RICTOR: variants seen among roughly 807,000 people sequenced by gnomAD.
RICTOR encodes rapamycin-insensitive companion of mTOR.
In RICTOR, 49 loss-of-function variants were observed where a neutral mutation model predicts 214.9. The ratio of observed to expected loss-of-function variants is 0.23; its 90% CI spans 0.18 to 0.29. The LOEUF (loss-of-function observed/expected upper bound fraction) is 0.29, where lower values mean the gene tolerates loss of function less well. Among genes scored for constraint, RICTOR ranks in the 10% least tolerant of loss-of-function variants. The pLI is 1.00. For synonymous variants in RICTOR, 717 were observed against 711.3 expected (o/e 1.01, Z -0.13); for missense variants, 1,625 against 2,047.0 (o/e 0.79, Z 3.98).
At chr5:38,994,238 A>G (rs1752997378) in intron 6 of RICTOR, among the ~76,000 whole-genome samples, 1 of 151,602 alleles carries the variant, frequency 6.6e-6, no homozygotes, top group African/African-American at 2.4e-5. Context: ...ATATGTGTAC[A>G]AGGTGTATAT....
chr5:38,968,902 C>G (rs1368497558), intron 11 of RICTOR, among the ~76,000 whole-genome samples: 2 of 150,484 alleles, frequency 1.3e-5, no homozygotes, highest in Non-Finnish European at 2.9e-5. Context: ...AGGTGGAAGA[C>G]AGTGATACTG....
intron 2 of RICTOR, among the ~76,000 whole-genome samples, chr5:39,062,125 A>G (rs1304954297): frequency 2.0e-5 from 3 of 152,116 alleles, no homozygotes; most frequent in Non-Finnish European, 4.4e-5. Context: ...TGAAAGTTAT[A>G]GCCTACAGTA....
chr5:38,983,807 A>G (rs1751925615), intron 7 of RICTOR, among the ~76,000 whole-genome samples: 1 of 151,142 alleles, frequency 6.6e-6, no homozygotes, highest in Admixed American at 6.6e-5. Context: ...CTGAAAATAC[A>G]AAAAAAAATT....
At position 38,947,453 on chromosome 5, in the gene RICTOR, TAAAG is replaced by T; in HGVS notation, c.4137-16_4137-13del. 8.9e-6 allele frequency: 14 copies of T among 1,576,322 alleles called. No individual in the cohort carries two copies. Among genetic ancestry groups the T allele is most frequent in the Non-Finnish European group, 1.2e-5 (14 of 1,150,380 alleles). The stretch of plus-strand genomic sequence containing the variant: ...AGGCTTTCATGAACCTATAAAACCA[TAAAG>T]AAACCACTTGCATTAGTTTCTTGAT... On this transcript the variant is annotated splice_polypyrimidine_tract_variant and intron_variant, in intron 31 of 37. Coordinates refer to ENST00000357387, the MANE Select transcript of RICTOR (RefSeq NM_152756.5).
intron 2 of RICTOR, among the ~76,000 whole-genome samples, chr5:39,049,528 A>C (rs766556251): frequency 6.6e-6 from 1 of 152,098 alleles, no homozygotes. Context: ...TGTGCCAATA[A>C]AATGTTATTT....
intron 2 of RICTOR, among the ~76,000 whole-genome samples, chr5:39,066,058 C>A (rs2150213986): frequency 6.6e-6 from 1 of 152,380 alleles, no homozygotes; most frequent in Middle Eastern, 3.4e-3. Context: ...CCCTTGGCCC[C>A]ACCCTAATAG....
chr5:38,980,420 C>T (rs919918877), intron 8 of RICTOR, among the ~76,000 whole-genome samples: 8 of 152,136 alleles, frequency 5.3e-5, no homozygotes, highest in South Asian at 2.1e-4. Context: ...CTTATTCTAA[C>T]GTCCAACTAA....
chr5:39,073,718 C>T (rs1580249197), intron 2 of RICTOR, among the ~76,000 whole-genome samples: 1 of 152,176 alleles, frequency 6.6e-6, no homozygotes, highest in Non-Finnish European at 1.5e-5. Context: ...TTCCCTCAAA[C>T]ATCCTCCTGC....
intron 11 of RICTOR, among the ~76,000 whole-genome samples, chr5:38,969,273 GTGTTTT>G (rs1468041629): frequency 2.0e-5 from 3 of 151,756 alleles, no homozygotes; most frequent in Non-Finnish European, 4.4e-5. Context: ...CACCTGGCCT[GTGTTTT>G]TGTTTTTAAC....
intron 5 of RICTOR, among the ~76,000 whole-genome samples, 153 bp downstream of exon 5, chr5:39,002,381 GT>G (rs1446249716): frequency 1.6e-5 from 2 of 122,590 alleles, no homozygotes; most frequent in African/African-American, 5.8e-5. Context: ...TTGTTACTTG[GT>G]TGTGTGTGTG....
chr5:38,949,989 G>A lies in RICTOR; in HGVS notation c.3859C>T (p.Leu1287=). 1 of 1,613,490 alleles carries A rather than the reference G, an allele frequency of 6.2e-7. No homozygotes were observed. Among genetic ancestry groups the A allele is most frequent in the Non-Finnish European group, 8.5e-7 (1 of 1,179,626 alleles). ...LSLSKSNSVS[L]VPPGSSHTLP... Reference sequence around the variant, plus strand: ...GTATGAGAAGAACCTGGAGGCACCAGGGACACCGAATTTGATTTGGAGAGA... The same window carrying A: ...GTATGAGAAGAACCTGGAGGCACCAAGGACACCGAATTTGATTTGGAGAGA... The change falls in exon 31 of 38, where the codon CTG becomes TTG. Residue 1287 remains leucine (L), a synonymous_variant. Transcript: ENST00000357387.
intron 2 of RICTOR, chr5:39,022,467 A>C (rs1447296063): frequency 1.3e-5 from 2 of 156,470 alleles, no homozygotes; most frequent in Non-Finnish European, 2.9e-5. Flanking sequence ...TTACTGCTCT[A>C]TCCTGTGCAA....
intron 6 of RICTOR, 95 bp from the exon 7 acceptor site, chr5:38,991,170 T>G: frequency 1.5e-6 from 1 of 682,004 alleles, no homozygotes; most frequent in Non-Finnish European, 2.3e-6. Context: ...CAGAATAAGA[T>G]CCAGAATAAG....
chr5:38,943,162 T>A lies in RICTOR; in HGVS notation c.4914-191A>T, dbSNP rs1450360902. 1.9e-5 allele frequency: 8 copies of A among 421,942 alleles called. No homozygotes were observed. The East Asian group carries it at 2.7e-4, about 14-fold the overall frequency. The allele number at this position is 421,942 out of a possible 1,614,324, so 26.1% of individuals were successfully genotyped here. ...ACTTAGACATTCTGAGTTTGGGTTTTTTTTTAAAAAAAATGATTATCAAAA... is the reference window on the plus strand; with the variant it reads ...ACTTAGACATTCTGAGTTTGGGTTTATTTTTAAAAAAAATGATTATCAAAA... On this transcript the variant is annotated intron_variant, in intron 36 of 37. Coordinates refer to ENST00000357387, the MANE Select transcript of RICTOR (RefSeq NM_152756.5).
chr5:38,989,355 A>G (rs1273170755), intron 7 of RICTOR, among the ~76,000 whole-genome samples: 1 of 152,216 alleles, frequency 6.6e-6, no homozygotes, highest in Non-Finnish European at 1.5e-5. Flanking sequence ...CACCTTACAC[A>G]AGAATTAACT....
chr5:39,023,132 A>T (rs1327287846), intron 2 of RICTOR, among the ~76,000 whole-genome samples: 1 of 152,088 alleles, frequency 6.6e-6, no homozygotes, highest in East Asian at 1.9e-4. Context: ...ACAAACAAAA[A>T]AGGATAACGG....
At chr5:38,983,344 A>G (rs1751883133) in intron 7 of RICTOR, among the ~76,000 whole-genome samples, 1 of 152,210 alleles carries the variant, frequency 6.6e-6, no homozygotes, top group South Asian at 2.1e-4. Flanking sequence ...GTGTTTTCAC[A>G]TAGTCCTACT....
intron 5 of RICTOR, among the ~76,000 whole-genome samples, chr5:38,997,887 G>A (rs1400542790): frequency 2.0e-5 from 3 of 152,160 alleles, no homozygotes; most frequent in Non-Finnish European, 4.4e-5. Context: ...GACTTGAGGG[G>A]TAAAATCCCT....
At chr5:39,001,089 T>C (rs1243037027) in intron 5 of RICTOR, among the ~76,000 whole-genome samples, 2 of 152,102 alleles carry the variant, frequency 1.3e-5, no homozygotes, top group Admixed American at 6.6e-5. Flanking sequence ...TATGTGGATA[T>C]GGACTATCTT....
Sources: allele counts gnomAD v4.1 joint callset (sites outside exome capture counted in the v4.1 genomes callset), GRCh38; gene constraint gnomAD v4.1.1; transcripts MANE v1.5; gene names NCBI Gene and HGNC (gene_info 2026-07-23, HGNC 2026-07-21).